CELF2: variants seen among roughly 807,000 people sequenced by gnomAD.
CELF2 encodes the protein CUGBP Elav-like family member 2.
A neutral mutation model predicts 62.6 loss-of-function variants in CELF2; 8 were observed. That is an observed-to-expected ratio of 0.13 (90% CI 0.07 to 0.23). CELF2 has a LOEUF of 0.23. CELF2 is among the 10% of genes least tolerant of loss of function. CELF2 has a pLI of 1.00. For missense variants in CELF2, 333 were observed against 671.0 expected, an observed-to-expected ratio of 0.50 and a Z score of 5.56; for synonymous variants, 258 against 250.0, an observed-to-expected ratio of 1.03 and a Z score of -0.30.
chr10:10,846,803 A>T (rs1591115557), intron 1 of CELF2, among the ~76,000 whole-genome samples: 1 of 152,260 alleles, frequency 6.6e-6, no homozygotes, highest in East Asian at 1.9e-4. Context: ...AGGCTAGAAA[A>T]CCATCTAAGG....
intron 2 of CELF2, among the ~76,000 whole-genome samples, chr10:11,212,726 T>C (rs2062192857): frequency 7.0e-6 from 1 of 142,472 alleles, no homozygotes; most frequent in African/African-American, 2.6e-5. Flanking sequence ...TGGTGTTTTT[T>C]TGTGTTTTGG....
chr10:11,128,458 T>G (rs2059083849), intron 1 of CELF2, among the ~76,000 whole-genome samples: 1 of 152,228 alleles, frequency 6.6e-6, no homozygotes, highest in Admixed American at 6.5e-5. Flanking sequence ...ATCTATAAAT[T>G]ACCTTGGGCA....
the CELF2 span, among the ~76,000 whole-genome samples, chr10:10,588,019 T>A: frequency 6.7e-6 from 1 of 149,692 alleles, no homozygotes; most frequent in Non-Finnish European, 1.5e-5. Flanking sequence ...AAGATGTAAT[T>A]TTTTTTTTTT....
chr10:11,071,492 C>T (rs1351225072), intron 1 of CELF2: 2 of 152,156 alleles, frequency 1.3e-5, no homozygotes, highest in African/African-American at 2.4e-5. Flanking sequence ...GACTTATCTT[C>T]GACACAAAGA....
chr10:10,827,309 C>G (rs1179102355), intron 1 of CELF2, among the ~76,000 whole-genome samples: 10 of 152,142 alleles, frequency 6.6e-5, no homozygotes, highest in Admixed American at 6.5e-4. Context: ...TGTCCGTCCT[C>G]TCTCATTTTA....
chr10:11,246,261 C>G lies in CELF2; in HGVS notation c.355-2892C>G, dbSNP rs1158616523. ...GTTCATTTCATTTTTGTGTCCCAGG[C>G]ATAATGTAGGTGCGCTCACCTCATC... On this transcript the variant is annotated intron_variant, in intron 3 of 12. Transcript: ENST00000633077. This position sits in a 1 kb window ranked among gnomAD's most constrained non-coding sequence, Gnocchi z 4.6. Among the ~76,000 whole-genome samples the G allele has an allele frequency of 6.6e-6, 1 of 152,118 alleles. No homozygotes were observed. The highest frequency in any genetic ancestry group is 6.5e-5 in the Admixed American group (1 of 15,282).
Position 11,297,616 on chromosome 10 carries a change from C to T in CELF2, c.976+9064C>T, listed in dbSNP as rs1000444792. 6.6e-6 allele frequency among the ~76,000 whole-genome samples: 1 copy of T among 152,114 alleles called. No homozygotes were observed. Among genetic ancestry groups the T allele is most frequent in the African/African-American group, 2.4e-5 (1 of 41,426 alleles). On this transcript the variant is annotated intron_variant, in intron 9 of 12. Transcript: ENST00000633077. The surrounding 1 kb of genome is among the most constrained non-coding windows in gnomAD (Gnocchi z 4.4). The stretch of plus-strand genomic sequence containing the variant: ...TTCACTGCAGTGGTTGACAGTTTTG[C>T]AGGCAGTGAGAGAGGACACAATTCT...
At chr10:10,604,687 C>T in the CELF2 span, among the ~76,000 whole-genome samples, 2 of 148,866 alleles carry the variant, frequency 1.3e-5, no homozygotes, top group Non-Finnish European at 3.0e-5. Flanking sequence ...GAGTCTCAAT[C>T]AGATAATGGG....
At chr10:10,828,434 T>C (rs2057586502) in intron 1 of CELF2, among the ~76,000 whole-genome samples, 1 of 152,188 alleles carries the variant, frequency 6.6e-6, no homozygotes, top group Non-Finnish European at 1.5e-5. Context: ...CACTGTATGA[T>C]TCCACTTATA....
chr10:10,483,504 A>G, the CELF2 span, among the ~76,000 whole-genome samples: 1 of 152,196 alleles, frequency 6.6e-6, no homozygotes. Context: ...AAAATGTTCT[A>G]TTAGCCAATT....
chr10:10,600,433 A>C, the CELF2 span, among the ~76,000 whole-genome samples: 1 of 152,158 alleles, frequency 6.6e-6, no homozygotes, highest in South Asian at 2.1e-4. Flanking sequence ...AATGATTTTC[A>C]CTTATAATGT....
intron 1 of CELF2, among the ~76,000 whole-genome samples, chr10:11,049,151 T>TA (rs895546385): frequency 1.7e-4 from 25 of 149,058 alleles, no homozygotes; most frequent in African/African-American, 3.7e-4. Flanking sequence ...TTTCCTTGCT[T>TA]AAAAAAAAAA....
At chr10:11,141,923 T>C (rs550947540) in intron 1 of CELF2, among the ~76,000 whole-genome samples, 1 of 152,342 alleles carries the variant, frequency 6.6e-6, no homozygotes, top group East Asian at 1.9e-4. Flanking sequence ...GACATATTAT[T>C]AATGAGAGAC....
rs1357048246 is a variant in CELF2 at position 11,145,119 on chromosome 10, C to T, written c.75-20367C>T. ...AGGTAATCTGTTTGTTATGTACTTTCCTTTATTATCCCAGCAAGTCCCACA... is the reference window on the plus strand; with the variant it reads ...AGGTAATCTGTTTGTTATGTACTTTTCTTTATTATCCCAGCAAGTCCCACA... On this transcript the variant is annotated intron_variant, in intron 1 of 12. Coordinates refer to ENST00000633077, the MANE Select transcript of CELF2 (RefSeq NM_001326342.2). This position sits in a 1 kb window ranked among gnomAD's most constrained non-coding sequence, Gnocchi z 4.3. Among the ~76,000 whole-genome samples the T allele has an allele frequency of 6.6e-6, 1 of 152,128 alleles. No individual in the cohort carries two copies. Among genetic ancestry groups the T allele is most frequent in the African/African-American group, 2.4e-5 (1 of 41,402 alleles).
intron 1 of CELF2, among the ~76,000 whole-genome samples, chr10:11,071,932 G>A (rs554531611): frequency 6.6e-6 from 1 of 152,322 alleles, no homozygotes; most frequent in African/African-American, 2.4e-5. Flanking sequence ...AAACTGGATG[G>A]AAGTCATAAT....
rs1365202079 is a variant in CELF2, at chr10:11,318,784, G to A, written c.1097-2405G>A. The A allele has an allele frequency of 4.2e-6, 2 of 471,236 alleles. No individual in the cohort carries two copies. Among genetic ancestry groups the A allele is most frequent in the African/African-American group, 4.0e-5 (2 of 50,070 alleles). 29.2% of individuals were successfully genotyped at this position (471,236 alleles called of 1,614,324 possible). On this transcript the variant is annotated intron_variant, in intron 10 of 12. Coordinates refer to ENST00000633077, the MANE Select transcript of CELF2 (RefSeq NM_001326342.2). The surrounding 1 kb of genome is among the most constrained non-coding windows in gnomAD (Gnocchi z 5.4). ...AAAAAACAGCTGTGTACAGAGAAGG[G>A]AGTTGGGTCCCAGTGACCACTGCCA...
intron 1 of CELF2, among the ~76,000 whole-genome samples, chr10:10,827,348 T>C (rs1038468906): frequency 1.3e-5 from 2 of 152,202 alleles, no homozygotes; most frequent in Admixed American, 1.3e-4. Context: ...ATTTCACTGC[T>C]AACACTCTCA....
Position 11,005,472 on chromosome 10 carries a change from C to T in CELF2, c.53+32C>T, listed in dbSNP as rs376659855. On this transcript the variant is annotated intron_variant, in intron 1 of 12. Transcript: ENST00000416382. This position sits in a 1 kb window ranked among gnomAD's most constrained non-coding sequence, Gnocchi z 4.3. ...TGTTGTGTCCTTTGTTTTTAATGCA[C>T]GCTTTTCTAGTTTCTAGAGCTGGCT... 14 of 1,613,722 alleles carry T rather than the reference C, an allele frequency of 8.7e-6. No individual in the cohort carries two copies. The East Asian group carries it at 1.1e-4, about 13-fold the overall frequency.
intron 1 of CELF2, among the ~76,000 whole-genome samples, chr10:11,147,041 C>A (rs1287174387): frequency 1.3e-5 from 2 of 152,136 alleles, no homozygotes; most frequent in Non-Finnish European, 2.9e-5. Flanking sequence ...GAGATCAGTG[C>A]CTGAACTAAG....
Sources: gnomAD v4.1 joint callset for allele counts (sites outside exome capture counted in the v4.1 genomes callset) on GRCh38, gnomAD v4.1.1 for gene constraint, Gnocchi (gnomAD v3.1) non-coding constraint, MANE v1.5 for transcripts, NCBI Gene and HGNC (gene_info 2026-07-23, HGNC 2026-07-21) for gene names.